ESRRG: variants seen among roughly 807,000 people sequenced by gnomAD.
The protein encoded by ESRRG is estrogen-related receptor gamma.
ESRRG carries 13 observed loss-of-function variants against 44.0 expected under a neutral mutation model. The ratio of observed to expected loss-of-function variants is 0.30; its 90% CI spans 0.19 to 0.47. ESRRG has a LOEUF of 0.47. Ranked by LOEUF, ESRRG falls within the 20% of genes least tolerant of loss-of-function variation. The pLI is 1.00. For synonymous variants in ESRRG, 215 were observed against 214.6 expected (o/e 1.00, Z -0.02); for missense variants, 395 against 580.6 (o/e 0.68, Z 3.29).
intron 5 of ESRRG, among the ~76,000 whole-genome samples, chr1:216,525,523 T>G (rs984497971): frequency 2.8e-5 from 2 of 71,172 alleles, no homozygotes; most frequent in Non-Finnish European, 2.5e-5. Flanking sequence ...CTGCCTTAAG[T>G]TAAAGAGGGA....
chr1:216,716,038 C>T (rs1474359028), intron 1 of ESRRG, among the ~76,000 whole-genome samples: 4 of 151,986 alleles, frequency 2.6e-5, no homozygotes, highest in South Asian at 2.1e-4. Flanking sequence ...AAAAAGAAAG[C>T]GTAAGATTTT....
intron 2 of ESRRG, among the ~76,000 whole-genome samples, chr1:216,880,304 C>CAAAAAAAAAAAAAAAAAAA (rs11301281): frequency 4.8e-4 from 14 of 29,032 alleles, no homozygotes; most frequent in South Asian, 2.3e-3. Flanking sequence ...GCCTCCCTCT[C>CAAAAAAAAAAAAAAAAAAA]AAAAAAAAAA....
At chr1:216,663,498 A>G (rs1301823928) in intron 2 of ESRRG, among the ~76,000 whole-genome samples, 1 of 152,206 alleles carries the variant, frequency 6.6e-6, no homozygotes, top group African/African-American at 2.4e-5. Context: ...TCTCAGTAGT[A>G]TTCTTTCTAG....
intron 1 of ESRRG, among the ~76,000 whole-genome samples, chr1:217,069,154 G>A (rs1166343): frequency 0.053 from 8,049 of 152,156 alleles, 239 homozygotes; most frequent in African/African-American, 0.074. Flanking sequence ...AGCTGTCAGC[G>A]TAGCTAGAAT....
chr1:216,900,582 A>G (rs1053659190), intron 2 of ESRRG, among the ~76,000 whole-genome samples: 1 of 152,302 alleles, frequency 6.6e-6, no homozygotes, highest in South Asian at 2.1e-4. Flanking sequence ...TATAAATTTA[A>G]TCCTAAGCTA....
intron 3 of ESRRG, among the ~76,000 whole-genome samples, chr1:216,572,500 A>G (rs2060994586): frequency 6.6e-6 from 1 of 152,118 alleles, no homozygotes; most frequent in African/African-American, 2.4e-5. Context: ...ATAAAACAAT[A>G]CTGTATAGAT....
chr1:217,066,260 T>C (rs1240721763), intron 1 of ESRRG, among the ~76,000 whole-genome samples: 12 of 84,370 alleles, frequency 1.4e-4, no homozygotes, highest in African/African-American at 2.8e-4. Flanking sequence ...CTTTTCTTTT[T>C]TTTTTTTTTT....
intron 2 of ESRRG, chr1:216,936,571 G>A (rs1453641167): frequency 6.6e-6 from 1 of 151,842 alleles, no homozygotes; most frequent in Admixed American, 6.6e-5. Context: ...CTTACTTTAT[G>A]TAAAACAATT....
chr1:216,950,608 A>G (rs1307121739), intron 1 of ESRRG, among the ~76,000 whole-genome samples: 1 of 152,210 alleles, frequency 6.6e-6, no homozygotes, highest in Non-Finnish European at 1.5e-5. Flanking sequence ...CCAGCTTCAT[A>G]TCAAAGTAAA....
At chr1:216,582,176 G>T (rs980711425) in intron 3 of ESRRG, among the ~76,000 whole-genome samples, 9 of 152,144 alleles carry the variant, frequency 5.9e-5, no homozygotes, top group South Asian at 2.1e-4. Flanking sequence ...TAAAATACAT[G>T]TGTTTTCATT....
At chr1:216,892,826 C>T (rs2057981906) in intron 2 of ESRRG, among the ~76,000 whole-genome samples, 2 of 152,134 alleles carry the variant, frequency 1.3e-5, no homozygotes, top group Admixed American at 1.3e-4. Context: ...ACCACCCGCC[C>T]TGCTTGGCAC....
chr1:216,731,481 G>A (rs1021302788), intron 2 of ESRRG, among the ~76,000 whole-genome samples: 16 of 152,164 alleles, frequency 1.1e-4, no homozygotes, highest in African/African-American at 3.6e-4. Flanking sequence ...TTTGCTTGAT[G>A]ATTTCATTGC....
At chr1:216,983,257 G>T (rs1182319026) in intron 1 of ESRRG, among the ~76,000 whole-genome samples, 20 of 151,178 alleles carry the variant, frequency 1.3e-4, no homozygotes, top group Admixed American at 4.0e-4. Context: ...TTTGAGACAG[G>T]GTCTCGCTCT....
chr1:216,756,909 A>T (rs1420279028), intron 2 of ESRRG, among the ~76,000 whole-genome samples: 1 of 151,956 alleles, frequency 6.6e-6, no homozygotes, highest in Admixed American at 6.6e-5. Context: ...ACTGAAAAAC[A>T]TTATCACAAA....
intron 3 of ESRRG, among the ~76,000 whole-genome samples, chr1:216,646,705 T>C (rs2150989780): frequency 6.6e-6 from 1 of 152,284 alleles, no homozygotes; most frequent in South Asian, 2.1e-4. Context: ...CTATTATTGG[T>C]GCCATCATTT....
At chr1:216,532,875 A>T (rs1299121519) in intron 5 of ESRRG, among the ~76,000 whole-genome samples, 1 of 152,204 alleles carries the variant, frequency 6.6e-6, no homozygotes, top group African/African-American at 2.4e-5. Context: ...AGTTATGTGT[A>T]AATCACAACG....
At chr1:216,761,510 A>G (rs1018355040) in intron 2 of ESRRG, among the ~76,000 whole-genome samples, 8 of 152,124 alleles carry the variant, frequency 5.3e-5, no homozygotes, top group African/African-American at 1.9e-4. Flanking sequence ...ATCTCAACAA[A>G]TCTCAAATCA....
intron 1 of ESRRG, among the ~76,000 whole-genome samples, chr1:216,975,894 A>G (rs1469749048): frequency 1.3e-5 from 2 of 152,196 alleles, no homozygotes; most frequent in African/African-American, 4.8e-5. Context: ...CCCAGGACAA[A>G]TCATTTTACC....
At chr1:216,621,949 C>T (rs1041461765) in intron 3 of ESRRG, among the ~76,000 whole-genome samples, 4 of 152,150 alleles carry the variant, frequency 2.6e-5, no homozygotes, top group Non-Finnish European at 4.4e-5. Flanking sequence ...TACTAGACTG[C>T]GCCTATCCTC....
Sources: allele counts gnomAD v4.1 joint callset (sites outside exome capture counted in the v4.1 genomes callset), GRCh38; gene constraint gnomAD v4.1.1; transcripts MANE v1.5; gene names NCBI Gene and HGNC (gene_info 2026-07-23, HGNC 2026-07-21).